HNRNPA1L2: variants seen among roughly 807,000 people sequenced by gnomAD.
HNRNPA1L2 encodes the protein heterogeneous nuclear ribonucleoprotein A1-like 2.
A neutral mutation model predicts 18.2 loss-of-function variants in HNRNPA1L2; 10 were observed. That is an observed-to-expected ratio of 0.55 (90% confidence interval 0.34 to 0.93). The LOEUF is 0.93. Among genes scored for constraint, HNRNPA1L2 ranks in the 40% least tolerant of loss-of-function variants. The pLI, the probability that HNRNPA1L2 is intolerant of heterozygous loss-of-function variation, is 0.02. For missense variants in HNRNPA1L2, 308 were observed against 394.4 expected, an observed-to-expected ratio of 0.78 and a Z score of 1.85; for synonymous variants, 124 against 138.6, an observed-to-expected ratio of 0.89 and a Z score of 0.74.
Position 52,643,025 on chromosome 13 carries a change from G to A in HNRNPA1L2, c.533G>A (p.Arg178Lys). Reference protein sequence around the residue: ...HTVKGHNCEVRKALPKQEMAS... With the variant: ...HTVKGHNCEVKKALPKQEMAS... ...GTGAAGGGCCACAACTGTGAAGTTA[G>A]AAAAGCCCTGCCAAAGCAAGAGATG... The change falls in exon 1 of 1, where the codon AGA (arginine) becomes AAA (lysine). Residue 178 changes from arginine to lysine, a missense_variant. Transcript: ENST00000357495. The A allele has an allele frequency of 1.3e-6, 2 of 1,597,590 alleles. No homozygotes were observed. Among genetic ancestry groups the A allele is most frequent in the Non-Finnish European group, 1.7e-6 (2 of 1,179,792 alleles).
At chr13:52,637,309 A>G in the HNRNPA1L2 span, 10 of 219,950 alleles carry the variant, frequency 4.5e-5, no homozygotes, top group South Asian at 8.2e-4. Context: ...ATACAGACAC[A>G]TCACCTTCAC....
the HNRNPA1L2 span, among the ~76,000 whole-genome samples, chr13:52,621,719 G>A: frequency 2.6e-5 from 4 of 151,512 alleles, no homozygotes; most frequent in African/African-American, 9.7e-5. Context: ...CCTTAGGTAA[G>A]TTACTTCTCT....
At chr13:52,641,732 A>G (rs1190759427), upstream of HNRNPA1L2, 3 of 152,212 alleles carry the variant, frequency 2.0e-5, no homozygotes, top group African/African-American at 7.2e-5. Flanking sequence ...TTGAGGCCCT[A>G]TGTGGTCTCA....
At chr13:52,622,182 C>T in the HNRNPA1L2 span, 79 of 160,900 alleles carry the variant, frequency 4.9e-4, no homozygotes, top group Non-Finnish European at 9.2e-4. Flanking sequence ...AATGTACAAA[C>T]AACAAAGCCA....
chr13:52,620,892 A>G, the HNRNPA1L2 span, among the ~76,000 whole-genome samples: 1 of 151,794 alleles, frequency 6.6e-6, no homozygotes, highest in African/African-American at 2.4e-5. Context: ...AAAAAAAAAT[A>G]ATTTCTATAT....
the HNRNPA1L2 span, among the ~76,000 whole-genome samples, chr13:52,626,482 A>AT: frequency 2.0e-5 from 3 of 151,868 alleles, no homozygotes; most frequent in Non-Finnish European, 4.4e-5. Flanking sequence ...TCTTTTCATA[A>AT]TAGGATGTTT....
chr13:52,635,900 G>T, the HNRNPA1L2 span, among the ~76,000 whole-genome samples: 7 of 147,272 alleles, frequency 4.8e-5, no homozygotes, highest in Non-Finnish European at 8.9e-5. Context: ...GCGCGACCTC[G>T]GCTCACTGCA....
upstream of HNRNPA1L2, among the ~76,000 whole-genome samples, chr13:52,638,357 T>C (rs1472718083): frequency 7.2e-5 from 11 of 152,244 alleles, no homozygotes; most frequent in Non-Finnish European, 1.5e-4. Flanking sequence ...TAAATTTTTC[T>C]AATTTTTACT....
At chr13:52,640,081 C>A (rs1446372025), upstream of HNRNPA1L2, among the ~76,000 whole-genome samples, 1 of 151,990 alleles carries the variant, frequency 6.6e-6, no homozygotes, top group Non-Finnish European at 1.5e-5. Flanking sequence ...GCTGGGACCA[C>A]AGGCCTGCAC....
At chr13:52,617,806 T>C in the HNRNPA1L2 span, 1 of 393,048 alleles carries the variant, frequency 2.5e-6, no homozygotes, top group Non-Finnish European at 4.6e-6. Flanking sequence ...TTAGAAGCTA[T>C]TGCTTTAAAT....
the HNRNPA1L2 span, among the ~76,000 whole-genome samples, chr13:52,628,570 T>C: frequency 1.3e-5 from 2 of 152,234 alleles, no homozygotes; most frequent in Non-Finnish European, 2.9e-5. Context: ...GGTTTTAATT[T>C]AGTTATTGAA....
upstream of HNRNPA1L2, among the ~76,000 whole-genome samples, chr13:52,639,375 A>G (rs1961569541): frequency 6.6e-6 from 1 of 152,170 alleles, no homozygotes; most frequent in Non-Finnish European, 1.5e-5. Flanking sequence ...TTTACTTACG[A>G]TATCTTCCCC....
In HNRNPA1L2 at chr13:52,642,545, T is replaced by C. The variant is rs778003499; in HGVS notation, c.53T>C (p.Ile18Thr). The change falls in exon 1 of 1, where the codon ATT becomes ACT. Residue 18 changes from isoleucine (I) to threonine (T), a missense_variant. Coordinates refer to ENST00000357495, the MANE Select transcript of HNRNPA1L2 (RefSeq NM_001389320.1). Reference protein sequence around the residue: ...KEPEQLRKLFIGGLSFETTDE... With the variant: ...KEPEQLRKLFTGGLSFETTDE... ...CCCGAACAGCTGAGGAAGCTCTTCATTGGAGGGTTGAGCTTTGAAACAACT... is the reference window on the plus strand; with the variant it reads ...CCCGAACAGCTGAGGAAGCTCTTCACTGGAGGGTTGAGCTTTGAAACAACT... 4.3e-6 allele frequency: 7 copies of C among 1,611,830 alleles called. No individual in the cohort carries two copies. In the South Asian group the frequency reaches 4.4e-5, roughly 10 times the overall value.
the HNRNPA1L2 span, chr13:52,617,665 T>C: frequency 4.3e-6 from 2 of 460,286 alleles, no homozygotes; most frequent in Non-Finnish European, 7.9e-6. Flanking sequence ...TACTCGCTGC[T>C]CGGCGTGGAA....
the HNRNPA1L2 span, among the ~76,000 whole-genome samples, chr13:52,621,005 C>T: frequency 6.6e-6 from 1 of 152,046 alleles, no homozygotes; most frequent in African/African-American, 2.4e-5. Flanking sequence ...AGTATAGTGC[C>T]CAGCACAGAG....
At chr13:52,642,040 G>C (rs575598911), upstream of HNRNPA1L2, 1 of 160,436 alleles carries the variant, frequency 6.2e-6, no homozygotes, top group African/African-American at 2.4e-5. Flanking sequence ...TTTATTCTGT[G>C]TTTCTGTTTA....
upstream of HNRNPA1L2, chr13:52,640,753 G>A (rs1961631254): frequency 2.0e-5 from 3 of 152,318 alleles, no homozygotes; most frequent in South Asian, 6.2e-4. Context: ...TTAGACTAAA[G>A]GGATCAGTAT....
upstream of HNRNPA1L2, chr13:52,642,235 A>G: frequency 2.0e-6 from 1 of 512,520 alleles, no homozygotes; most frequent in Admixed American, 3.4e-5. Flanking sequence ...GTGCTGGAGA[A>G]ACAAAATTAG....
the HNRNPA1L2 span, among the ~76,000 whole-genome samples, chr13:52,625,987 C>A: frequency 6.6e-6 from 1 of 151,866 alleles, no homozygotes; most frequent in Admixed American, 6.6e-5. Context: ...GCCATCTTGC[C>A]CAGGCTGGTC....
Sources: allele counts gnomAD v4.1 joint callset (sites outside exome capture counted in the v4.1 genomes callset), GRCh38; gene constraint gnomAD v4.1.1; transcripts MANE v1.5; gene names NCBI Gene and HGNC (gene_info 2026-07-23, HGNC 2026-07-21).